The following ARHGAP20 variants were observed in gnomAD, a reference collection of about 807,000 sequenced individuals.
The protein encoded by ARHGAP20 is rho GTPase-activating protein 20.
ARHGAP20 carries 34 observed loss-of-function variants against 73.7 expected under a neutral mutation model. That is an observed-to-expected ratio of 0.46 (90% CI 0.35 to 0.61). The LOEUF (loss-of-function observed/expected upper bound fraction) is 0.61. Among genes scored for constraint, ARHGAP20 ranks in the 20% least tolerant of loss-of-function variants. The pLI, the probability that ARHGAP20 is intolerant of heterozygous loss-of-function variation, is 0.00. For synonymous variants in ARHGAP20, 523 were observed against 518.2 expected, an observed-to-expected ratio of 1.01 and a Z score of -0.13; for missense variants, 1,314 against 1,420.9, an observed-to-expected ratio of 0.92 and a Z score of 1.21.
Position 110,580,817 on chromosome 11 carries a change from T to G in ARHGAP20, c.2129A>C (p.Tyr710Ser). Residue 710 changes from tyrosine to serine, a missense_variant, in exon 15 of 15, where the codon TAT becomes TCT. Physicochemically the swap from Tyr to Ser is moderately radical, Grantham distance 144. Transcript: ENST00000683387. ...HRRCSEPSIDYLDSKLSYLRE... is the reference protein window; with the variant it reads ...HRRCSEPSIDSLDSKLSYLRE... ...GAGGTAGGAAAGCTTTGAATCCAGA[T>G]AGTCGATGCTGGGCTCTGAGCAACG... 1.3e-5 allele frequency: 21 copies of G among 1,614,148 alleles called. No individual in the cohort carries two copies. The highest frequency in any genetic ancestry group is 1.6e-5 in the Non-Finnish European group (19 of 1,179,994).
intron 2 of ARHGAP20, among the ~76,000 whole-genome samples, chr11:110,664,299 C>T (rs12288896): frequency 0.026 from 4,021 of 152,146 alleles, 160 homozygotes; most frequent in African/African-American, 0.09. Context: ...CCTACAAAAA[C>T]AATCCATTGA....
rs1227381617 is a variant in ARHGAP20 at position 110,609,069 on chromosome 11, A to G, written c.709-19T>C. On this transcript the variant is annotated intron_variant, in intron 7 of 14. Coordinates refer to ENST00000683387, the MANE Select transcript of ARHGAP20 (RefSeq NM_001384657.1). ...CAGAGCCCTTAGAGATAAAAGAGTT[A>G]AATGTCACAATAAATCTTTCACATT... The G allele has an allele frequency of 1.2e-6, 2 of 1,604,808 alleles. No individual in the cohort carries two copies. Among genetic ancestry groups the G allele is most frequent in the Admixed American group, 1.7e-5 (1 of 58,816 alleles).
intron 3 of ARHGAP20, among the ~76,000 whole-genome samples, chr11:110,625,316 C>A (rs998961209): frequency 3.3e-5 from 5 of 151,856 alleles, no homozygotes; most frequent in Admixed American, 1.3e-4. Flanking sequence ...GGATTACAGG[C>A]GTGAGCCACC....
At chr11:110,634,474 G>A (rs1948922167) in intron 2 of ARHGAP20, among the ~76,000 whole-genome samples, 1 of 152,102 alleles carries the variant, frequency 6.6e-6, no homozygotes, top group South Asian at 2.1e-4. Context: ...ATGGTTTCAT[G>A]TACTTTAAAA....
chr11:110,632,106 T>C (rs1948871430), intron 2 of ARHGAP20, among the ~76,000 whole-genome samples: 1 of 152,246 alleles, frequency 6.6e-6, no homozygotes, highest in Non-Finnish European at 1.5e-5. Context: ...CTTGGGCTGT[T>C]TCCAGTTTTT....
chr11:110,650,818 A>G (rs1217372750), intron 2 of ARHGAP20, among the ~76,000 whole-genome samples: 1 of 152,178 alleles, frequency 6.6e-6, no homozygotes, highest in Non-Finnish European at 1.5e-5. Flanking sequence ...ACAGACTCTA[A>G]TTCAGACTTA....
At chr11:110,599,435 G>A (rs1035270847) in intron 9 of ARHGAP20, among the ~76,000 whole-genome samples, 1 of 152,228 alleles carries the variant, frequency 6.6e-6, no homozygotes, top group Non-Finnish European at 1.5e-5. Flanking sequence ...GAGGGAAGCC[G>A]ATCGGGGGCT....
chr11:110,587,842 G>C (rs761051365), intron 11 of ARHGAP20, among the ~76,000 whole-genome samples: 8 of 152,060 alleles, frequency 5.3e-5, no homozygotes, highest in African/African-American at 1.9e-4. Flanking sequence ...TCTTCTAGCA[G>C]AAATGTACCT....
intron 1 of ARHGAP20, among the ~76,000 whole-genome samples, chr11:110,705,402 T>C (rs1950534786): frequency 6.6e-6 from 1 of 152,172 alleles, no homozygotes; most frequent in Admixed American, 6.5e-5. Flanking sequence ...ATCTTCACCT[T>C]AGAACTAAAA....
intron 4 of ARHGAP20, among the ~76,000 whole-genome samples, chr11:110,617,506 A>G (rs1025122887): frequency 6.6e-6 from 1 of 151,610 alleles, no homozygotes; most frequent in Non-Finnish European, 1.5e-5. Context: ...CAGGTGATCC[A>G]CCCGCCTCCG....
At chr11:110,592,492 T>C (rs1205392107) in intron 9 of ARHGAP20, among the ~76,000 whole-genome samples, 1 of 152,156 alleles carries the variant, frequency 6.6e-6, no homozygotes, top group African/African-American at 2.4e-5. Context: ...AAGCGTTTCA[T>C]ACAAACCCAT....
At chr11:110,632,860 T>C (rs1402100924) in intron 2 of ARHGAP20, among the ~76,000 whole-genome samples, 1 of 152,220 alleles carries the variant, frequency 6.6e-6, no homozygotes, top group Non-Finnish European at 1.5e-5. Context: ...TTGTAGGAAC[T>C]TTTTCATGTA....
At chr11:110,621,074 C>CAAAAAAAA (rs34424855) in intron 4 of ARHGAP20, among the ~76,000 whole-genome samples, 12 of 46,786 alleles carry the variant, frequency 2.6e-4, no homozygotes, top group African/African-American at 9.0e-4. Flanking sequence ...AACTCCATCT[C>CAAAAAAAA]AAAAAAAAAA....
intron 4 of ARHGAP20, among the ~76,000 whole-genome samples, chr11:110,616,326 T>C (rs2134904367): frequency 6.6e-6 from 1 of 152,280 alleles, no homozygotes; most frequent in Non-Finnish European, 1.5e-5. Context: ...TAATTTAAAG[T>C]TTATTCCTAT....
intron 11 of ARHGAP20, among the ~76,000 whole-genome samples, chr11:110,587,975 A>C (rs1047282027): frequency 1.3e-5 from 2 of 152,364 alleles, no homozygotes; most frequent in Non-Finnish European, 1.5e-5. Flanking sequence ...GATTTAGAAG[A>C]AGCAAAATCT....
chr11:110,627,098 A>AT (rs1018289856), intron 3 of ARHGAP20, among the ~76,000 whole-genome samples: 2 of 151,006 alleles, frequency 1.3e-5, no homozygotes, highest in African/African-American at 4.9e-5. Flanking sequence ...AAATATATAT[A>AT]TTTTTTTGAG....
At chr11:110,600,222 A>G (rs1948076155) in intron 9 of ARHGAP20, among the ~76,000 whole-genome samples, 1 of 152,250 alleles carries the variant, frequency 6.6e-6, no homozygotes, top group Admixed American at 6.5e-5. Flanking sequence ...GGTGAAGAGA[A>G]GGAGATAAGA....
At chr11:110,694,150 G>A (rs1400518355) in intron 1 of ARHGAP20, among the ~76,000 whole-genome samples, 2 of 151,756 alleles carry the variant, frequency 1.3e-5, no homozygotes, top group Non-Finnish European at 3.0e-5. Flanking sequence ...TTTTATGTGA[G>A]CTAAGAAACA....
intron 2 of ARHGAP20, among the ~76,000 whole-genome samples, chr11:110,647,551 T>A (rs1241805940): frequency 6.6e-6 from 1 of 152,130 alleles, no homozygotes; most frequent in East Asian, 1.9e-4. Context: ...CATGAAGAAA[T>A]GATTCCAATG....
Sources: gnomAD v4.1 joint callset for allele counts (sites outside exome capture counted in the v4.1 genomes callset) on GRCh38, gnomAD v4.1.1 for gene constraint, MANE v1.5 for transcripts, NCBI Gene and HGNC (gene_info 2026-07-23, HGNC 2026-07-21) for gene names.